The following RASEF variants were observed in gnomAD, a reference collection of about 807,000 sequenced individuals.
The protein encoded by RASEF is ras and EF-hand domain-containing protein.
In RASEF, 68 loss-of-function variants were observed where a neutral mutation model predicts 90.1. The ratio of observed to expected loss-of-function variants is 0.75; its 90% CI spans 0.62 to 0.92. The LOEUF is 0.92. Among genes scored for constraint, RASEF ranks in the 40% least tolerant of loss-of-function variants. RASEF has a pLI of 0.00. For missense variants in RASEF, 949 were observed against 937.2 expected (o/e 1.01, Z -0.16); for synonymous variants, 331 against 345.2 (o/e 0.96, Z 0.46).
At chr9:83,029,114 C>T (rs1829597083) in intron 1 of RASEF, among the ~76,000 whole-genome samples, 1 of 152,184 alleles carries the variant, frequency 6.6e-6, no homozygotes, top group South Asian at 2.1e-4. Flanking sequence ...GCAGCCCTAG[C>T]AAACAAATAC....
chr9:83,082,073 C>T, the RASEF span, among the ~76,000 whole-genome samples: 10 of 152,204 alleles, frequency 6.6e-5, no homozygotes, highest in Admixed American at 3.9e-4. Context: ...GAAAATGTGG[C>T]AAAATAAGCT....
At chr9:83,141,181 A>G in the RASEF span, among the ~76,000 whole-genome samples, 6 of 151,820 alleles carry the variant, frequency 4.0e-5, no homozygotes, top group East Asian at 7.7e-4. Context: ...AGGACAAAAC[A>G]CAAGTGTAAA....
chr9:83,199,224 TAAAAAAAAAAAAAAAA>T, the RASEF span, among the ~76,000 whole-genome samples: 2 of 118,662 alleles, frequency 1.7e-5, no homozygotes, highest in Non-Finnish European at 3.4e-5. Context: ...AGCCCTAATT[TAAAAAAAAAAAAAAAA>T]AAAAAAAAAA....
intron 1 of RASEF, among the ~76,000 whole-genome samples, chr9:83,056,199 A>G (rs969634239): frequency 1.3e-5 from 2 of 152,204 alleles, no homozygotes; most frequent in Non-Finnish European, 2.9e-5. Context: ...AAGACCCTGA[A>G]TATTTACAAG....
chr9:83,180,006 G>C, the RASEF span, among the ~76,000 whole-genome samples: 1 of 151,744 alleles, frequency 6.6e-6, no homozygotes, highest in African/African-American at 2.4e-5. Flanking sequence ...GATAAATTCT[G>C]AGCAACAGAA....
At chr9:83,151,462 T>C in the RASEF span, among the ~76,000 whole-genome samples, 1 of 152,148 alleles carries the variant, frequency 6.6e-6, no homozygotes. Context: ...CTTCTTAGTA[T>C]GTAGGTAAGG....
At chr9:83,000,821 C>A in intron 10 of RASEF, 75 bp downstream of exon 10, 3 of 1,286,414 alleles carry the variant, frequency 2.3e-6, no homozygotes, top group Admixed American at 1.9e-5. Context: ...ATTTCCATGA[C>A]AGATAGAAGG....
intron 1 of RASEF, chr9:83,055,208 G>A (rs1229307186): frequency 4.4e-6 from 1 of 229,438 alleles, no homozygotes; most frequent in South Asian, 5.3e-5. Context: ...TTCCGTGGGC[G>A]TAGGACCCTC....
chr9:83,147,257 C>T, the RASEF span, among the ~76,000 whole-genome samples: 2 of 151,976 alleles, frequency 1.3e-5, no homozygotes, highest in African/African-American at 4.8e-5. Flanking sequence ...ATACTATGCA[C>T]AGTGCTGCTA....
the RASEF span, among the ~76,000 whole-genome samples, chr9:83,190,290 T>A: frequency 6.6e-6 from 1 of 152,192 alleles, no homozygotes; most frequent in Non-Finnish European, 1.5e-5. Context: ...ACATGCTCTT[T>A]AAAATAGCAG....
chr9:83,175,870 C>T, the RASEF span, among the ~76,000 whole-genome samples: 1 of 152,192 alleles, frequency 6.6e-6, no homozygotes, highest in African/African-American at 2.4e-5. Flanking sequence ...TGAGCCACCA[C>T]ACCCGGCCTA....
At chr9:83,078,532 C>T in the RASEF span, among the ~76,000 whole-genome samples, 2 of 151,914 alleles carry the variant, frequency 1.3e-5, no homozygotes, top group South Asian at 2.1e-4. Context: ...GGCGTGGTGG[C>T]GTGCATCTTT....
the RASEF span, among the ~76,000 whole-genome samples, chr9:83,132,187 T>A: frequency 5.3e-4 from 81 of 152,244 alleles, no homozygotes; most frequent in Non-Finnish European, 8.8e-5. Flanking sequence ...GATTATGTCA[T>A]AAGAGTCATG....
the RASEF span, among the ~76,000 whole-genome samples, chr9:83,130,470 A>C: frequency 6.6e-6 from 1 of 152,012 alleles, no homozygotes; most frequent in East Asian, 1.9e-4. Flanking sequence ...GGTGCTGTAC[A>C]TTCTATGGGT....
chr9:83,015,136 T>C (rs1829319966), intron 4 of RASEF, among the ~76,000 whole-genome samples: 1 of 152,158 alleles, frequency 6.6e-6, no homozygotes, highest in Admixed American at 6.5e-5. Flanking sequence ...AAATATTCCC[T>C]GAATACTTAC....
At chr9:83,208,237 C>T in the RASEF span, among the ~76,000 whole-genome samples, 1 of 152,158 alleles carries the variant, frequency 6.6e-6, no homozygotes, top group Non-Finnish European at 1.5e-5. Flanking sequence ...ACATCCTCTC[C>T]CAGGGGCGTG....
chr9:83,045,889 G>A (rs1829920309), intron 1 of RASEF, among the ~76,000 whole-genome samples: 1 of 152,080 alleles, frequency 6.6e-6, no homozygotes, highest in African/African-American at 2.4e-5. Context: ...ATGCTGTTTC[G>A]CACTGTGGTT....
chr9:83,157,085 C>G, the RASEF span, among the ~76,000 whole-genome samples: 1 of 152,198 alleles, frequency 6.6e-6, no homozygotes, highest in Non-Finnish European at 1.5e-5. Flanking sequence ...TCTAGGAAAA[C>G]TACTGGAAGC....
At chr9:83,155,861 A>G in the RASEF span, among the ~76,000 whole-genome samples, 1 of 152,196 alleles carries the variant, frequency 6.6e-6, no homozygotes, top group Non-Finnish European at 1.5e-5. Flanking sequence ...TCAGCAGTCA[A>G]CTGCCAGCAT....
Sources: allele counts gnomAD v4.1 joint callset (sites outside exome capture counted in the v4.1 genomes callset), GRCh38; gene constraint gnomAD v4.1.1; transcripts MANE v1.5; gene names NCBI Gene and HGNC (gene_info 2026-07-23, HGNC 2026-07-21).